The following PTPRD variants were observed in gnomAD, a reference collection of about 807,000 sequenced individuals.
PTPRD encodes protein tyrosine phosphatase receptor type D.
Under a neutral mutation model 214.5 loss-of-function variants are expected in PTPRD, and 34 were observed. The observed-to-expected ratio is 0.16, with a 90% CI of 0.12 to 0.21. PTPRD has a LOEUF of 0.21. Among genes scored for constraint, PTPRD ranks in the 10% least tolerant of loss-of-function variants. The pLI, the probability that PTPRD is intolerant of heterozygous loss-of-function variation, is 1.00. For missense variants in PTPRD, 2,545 were observed against 2,398.7 expected, an observed-to-expected ratio of 1.06 and a Z score of -1.27; for synonymous variants, 1,128 against 845.7, an observed-to-expected ratio of 1.33 and a Z score of -5.79.
intron 2 of PTPRD, among the ~76,000 whole-genome samples, chr9:10,516,756 G>C (rs1181298203): frequency 6.6e-6 from 1 of 151,668 alleles, no homozygotes; most frequent in Admixed American, 6.6e-5. Flanking sequence ...TGTGTCTTTT[G>C]TAAGATAAGG....
chr9:10,371,020 T>G (rs1243912333), intron 2 of PTPRD, among the ~76,000 whole-genome samples: 1 of 152,030 alleles, frequency 6.6e-6, no homozygotes. Flanking sequence ...AATAGGTAAA[T>G]TTAAAATTTA....
At chr9:9,138,150 T>C (rs1406905187) in intron 10 of PTPRD, among the ~76,000 whole-genome samples, 1 of 152,128 alleles carries the variant, frequency 6.6e-6, no homozygotes, top group Non-Finnish European at 1.5e-5. Context: ...ATCTTTTTTT[T>C]TTCTTCTGGA....
intron 3 of PTPRD, among the ~76,000 whole-genome samples, chr9:10,292,461 A>C (rs778816493): frequency 3.9e-5 from 6 of 152,012 alleles, no homozygotes; most frequent in Non-Finnish European, 8.8e-5. Context: ...ATAAAAGCAA[A>C]AGTCTCAAAA....
chr9:10,202,879 C>T (rs1298420370), intron 3 of PTPRD, among the ~76,000 whole-genome samples: 3 of 151,642 alleles, frequency 2.0e-5, no homozygotes, highest in Non-Finnish European at 4.4e-5. Flanking sequence ...TAGGTGCTAA[C>T]CAGGAAGCAG....
At chr9:10,555,653 C>A (rs140090242) in intron 2 of PTPRD, among the ~76,000 whole-genome samples, 89 of 152,192 alleles carry the variant, frequency 5.8e-4, no homozygotes, top group Admixed American at 2.0e-3. Flanking sequence ...TGCACACAGA[C>A]AAATCCTTTT....
intron 6 of PTPRD, among the ~76,000 whole-genome samples, chr9:9,750,821 C>A (rs2098510388): frequency 6.6e-6 from 1 of 152,032 alleles, no homozygotes; most frequent in Non-Finnish European, 1.5e-5. Flanking sequence ...TCCCCTAATT[C>A]CTGAAGTCTA....
At chr9:9,404,181 T>C (rs189470018) in intron 8 of PTPRD, among the ~76,000 whole-genome samples, 69 of 152,224 alleles carry the variant, frequency 4.5e-4, no homozygotes, top group African/African-American at 1.6e-3. Flanking sequence ...TTTGGGTTTA[T>C]ATTCCAAGGG....
intron 8 of PTPRD, among the ~76,000 whole-genome samples, chr9:9,521,296 G>C (rs2096965970): frequency 6.6e-6 from 1 of 152,080 alleles, no homozygotes; most frequent in Non-Finnish European, 1.5e-5. Flanking sequence ...CTGCATTCCA[G>C]GATGTTTCAG....
intron 7 of PTPRD, among the ~76,000 whole-genome samples, chr9:9,579,219 A>G (rs1481296129): frequency 6.6e-6 from 1 of 152,116 alleles, no homozygotes; most frequent in Non-Finnish European, 1.5e-5. Context: ...GCTGGTCCTC[A>G]TTAATAACTA....
chr9:10,480,288 C>G (rs1218379110), intron 2 of PTPRD, among the ~76,000 whole-genome samples: 2 of 152,154 alleles, frequency 1.3e-5, no homozygotes, highest in Non-Finnish European at 2.9e-5. Flanking sequence ...GTCACAAGTT[C>G]TATCCATTCT....
chr9:8,416,145 T>G (rs1432402044), intron 35 of PTPRD, among the ~76,000 whole-genome samples: 1 of 152,160 alleles, frequency 6.6e-6, no homozygotes, highest in Non-Finnish European at 1.5e-5. Context: ...GGAAATAGCC[T>G]TAATATAATA....
intron 5 of PTPRD, among the ~76,000 whole-genome samples, chr9:9,831,338 A>T (rs1329587077): frequency 1.3e-5 from 2 of 151,950 alleles, no homozygotes; most frequent in Non-Finnish European, 2.9e-5. Flanking sequence ...CAAAATACAA[A>T]AGCAAAATTA....
intron 36 of PTPRD, among the ~76,000 whole-genome samples, chr9:8,390,907 C>G (rs1189374616): frequency 6.6e-6 from 1 of 152,138 alleles, no homozygotes; most frequent in Non-Finnish European, 1.5e-5. Flanking sequence ...GTTTTAAATT[C>G]TGAAAGATTT....
intron 7 of PTPRD, among the ~76,000 whole-genome samples, chr9:9,611,328 C>T (rs1317726955): frequency 6.6e-6 from 1 of 152,102 alleles, no homozygotes; most frequent in Non-Finnish European, 1.5e-5. Context: ...ATACACATAT[C>T]TCCACCAGCA....
intron 42 of PTPRD, 122 bp downstream of exon 42, chr9:8,340,221 T>C (rs1363075226): frequency 1.8e-6 from 2 of 1,139,110 alleles, no homozygotes; most frequent in Non-Finnish European, 2.4e-6. Context: ...TGGTCCGGAT[T>C]ATGTCCAGAG....
At chr9:10,394,959 T>G (rs565840751) in intron 2 of PTPRD, among the ~76,000 whole-genome samples, 65 of 143,058 alleles carry the variant, frequency 4.5e-4, no homozygotes, top group African/African-American at 1.6e-3. Context: ...TTCTTTTTCT[T>G]TTTTTTTTTT....
At chr9:8,740,299 A>T (rs2091587267) in intron 11 of PTPRD, among the ~76,000 whole-genome samples, 1 of 152,196 alleles carries the variant, frequency 6.6e-6, no homozygotes, top group Non-Finnish European at 1.5e-5. Context: ...ATGGCGTTTC[A>T]TACTTCATTG....
chr9:8,382,629 G>GA (rs2085471570), intron 37 of PTPRD, among the ~76,000 whole-genome samples: 1 of 152,156 alleles, frequency 6.6e-6, no homozygotes, highest in Non-Finnish European at 1.5e-5. Flanking sequence ...GCTGACAAGA[G>GA]AAAACCAAAA....
chr9:10,294,024 A>C (rs181026590), intron 3 of PTPRD, among the ~76,000 whole-genome samples: 3 of 152,104 alleles, frequency 2.0e-5, no homozygotes, highest in African/African-American at 7.2e-5. Context: ...TTCTGTAATA[A>C]ACATTGAGCA....
Sources: gnomAD v4.1 joint callset for allele counts (sites outside exome capture counted in the v4.1 genomes callset) on GRCh38, gnomAD v4.1.1 for gene constraint, MANE v1.5 for transcripts, NCBI Gene and HGNC (gene_info 2026-07-23, HGNC 2026-07-21) for gene names.